The following DOCK3 variants were observed in gnomAD, a reference collection of about 807,000 sequenced individuals.
The protein encoded by DOCK3 is dedicator of cytokinesis 3.
Under a neutral mutation model 265.6 loss-of-function variants are expected in DOCK3, and 60 were observed. The observed-to-expected ratio is 0.23, with a 90% CI of 0.18 to 0.28. The LOEUF is 0.28. DOCK3 is among the 10% of genes least tolerant of loss of function. The pLI, the probability that DOCK3 is intolerant of heterozygous loss-of-function variation, is 1.00. For synonymous variants in DOCK3, 881 were observed against 938.0 expected (o/e 0.94, Z 1.11); for missense variants, 1,981 against 2,594.3 (o/e 0.76, Z 5.14).
At chr3:50,928,878 TG>T (rs1263660149) in intron 4 of DOCK3, among the ~76,000 whole-genome samples, 1 of 152,238 alleles carries the variant, frequency 6.6e-6, no homozygotes, top group Admixed American at 6.5e-5. Flanking sequence ...ATAACCATTG[TG>T]TTTTTTACTG....
chr3:51,192,621 C>A (rs75376073), intron 12 of DOCK3, among the ~76,000 whole-genome samples: 1,815 of 152,132 alleles, frequency 0.012, 29 homozygotes, highest in African/African-American at 0.041. Context: ...GGAGACCTCA[C>A]GGAAGTCTGC....
chr3:50,928,429 T>A (rs930301301), intron 4 of DOCK3, among the ~76,000 whole-genome samples: 10 of 152,204 alleles, frequency 6.6e-5, no homozygotes, highest in African/African-American at 2.4e-4. Context: ...CATATTTCAC[T>A]AGCATAGTGC....
intron 27 of DOCK3, among the ~76,000 whole-genome samples, chr3:51,288,391 CAAAA>C (rs35390396): frequency 1.0e-4 from 9 of 87,218 alleles, no homozygotes; most frequent in Admixed American, 8.3e-4. Flanking sequence ...GACTCCGTCT[CAAAA>C]AAAAAAAAAA....
At chr3:51,082,806 C>T (rs1225607601) in intron 7 of DOCK3, among the ~76,000 whole-genome samples, 1 of 152,146 alleles carries the variant, frequency 6.6e-6, no homozygotes, top group African/African-American at 2.4e-5. Context: ...ACCTGGGGGC[C>T]AGAGGACAGA....
intron 22 of DOCK3, among the ~76,000 whole-genome samples, chr3:51,253,623 T>G (rs1260730857): frequency 6.6e-6 from 1 of 152,206 alleles, no homozygotes; most frequent in Non-Finnish European, 1.5e-5. Context: ...ATTTATCCAT[T>G]TCTTCTAGAT....
chr3:50,913,107 A>G (rs2049944772), intron 4 of DOCK3, among the ~76,000 whole-genome samples: 1 of 152,212 alleles, frequency 6.6e-6, no homozygotes, highest in Non-Finnish European at 1.5e-5. Flanking sequence ...GGCCCTTGAC[A>G]TAGTACCTGG....
chr3:50,698,435 T>C (rs2035780884), intron 1 of DOCK3, among the ~76,000 whole-genome samples: 4 of 151,664 alleles, frequency 2.6e-5, no homozygotes, highest in Admixed American at 2.6e-4. Flanking sequence ...TTGGATTGTT[T>C]CTACTTTTTC....
chr3:50,954,392 A>G (rs1323966561), intron 5 of DOCK3, among the ~76,000 whole-genome samples: 2 of 152,124 alleles, frequency 1.3e-5, no homozygotes, highest in Admixed American at 1.3e-4. Flanking sequence ...GGAGTTAAAT[A>G]TGTATGCTTG....
chr3:51,022,807 T>C (rs771490498), intron 5 of DOCK3, among the ~76,000 whole-genome samples: 8 of 152,190 alleles, frequency 5.3e-5, no homozygotes, highest in South Asian at 2.1e-4. Context: ...GGATATTTAC[T>C]GTTTCACTTC....
chr3:50,881,341 C>G (rs374561074), intron 3 of DOCK3: 1 of 152,144 alleles, frequency 6.6e-6, no homozygotes, highest in Admixed American at 6.5e-5. Flanking sequence ...TCAAATTGTC[C>G]CTGTTTGCAG....
chr3:51,064,671 A>G (rs2081530280), intron 6 of DOCK3, 75 bp downstream of exon 6: 5 of 1,527,856 alleles, frequency 3.3e-6, no homozygotes, highest in Non-Finnish European at 4.4e-6. Context: ...TTGCACCTAT[A>G]CAAAGCTTCT....
At position 51,084,606 on chromosome 3, in the gene DOCK3, G is replaced by C. The variant is rs533548587; in HGVS notation, c.550-4637G>C. Among the ~76,000 whole-genome samples the C allele has an allele frequency of 3.3e-5, 5 of 152,266 alleles. No homozygotes were observed. The South Asian group carries it at 1.0e-3, about 32-fold the overall frequency. ...TACAAGAAATGTTTCAGGGATTTCT[G>C]TATCTGGAAGCGAAAGGACAATGTC... On this transcript the variant is annotated intron_variant, in intron 7 of 52. Transcript: ENST00000266037.
chr3:51,141,370 A>C (rs1037096281), intron 9 of DOCK3, among the ~76,000 whole-genome samples: 1 of 148,834 alleles, frequency 6.7e-6, no homozygotes, highest in Non-Finnish European at 1.5e-5. Flanking sequence ...TTGGCATTTT[A>C]CATACATGTC....
chr3:51,084,222 A>G (rs1173943463), intron 7 of DOCK3, among the ~76,000 whole-genome samples: 1 of 152,162 alleles, frequency 6.6e-6, no homozygotes, highest in Non-Finnish European at 1.5e-5. Context: ...AAAGACATCC[A>G]AATACAGAAA....
intron 5 of DOCK3, among the ~76,000 whole-genome samples, chr3:50,936,316 C>T (rs961754233): frequency 3.3e-5 from 5 of 150,970 alleles, no homozygotes; most frequent in Non-Finnish European, 5.9e-5. Context: ...GGAACAATAA[C>T]GTAAGATGTA....
At position 51,237,591 on chromosome 3, in the gene DOCK3, G is replaced by A; in HGVS notation, c.2102+1G>A. 1 of 1,611,878 alleles carries A rather than the reference G, an allele frequency of 6.2e-7. No homozygotes were observed. Among genetic ancestry groups the A allele is most frequent in the Non-Finnish European group, 8.5e-7 (1 of 1,178,770 alleles). On this transcript the variant is annotated splice_donor_variant, in intron 21 of 52. Transcript: ENST00000266037. LOFTEE classifies it high-confidence loss of function. ...ACTTTGCTGGAGCTCTGGCATACAA[G>A]TAAGTTCCATTTGGTATCATCATTA...
At chr3:50,872,241 G>C (rs769835798) in intron 3 of DOCK3, among the ~76,000 whole-genome samples, 17 of 152,234 alleles carry the variant, frequency 1.1e-4, no homozygotes, top group Non-Finnish European at 2.5e-4. Context: ...AGCTGTGTCT[G>C]CTTTAGGGGG....
chr3:50,930,903 A>G (rs2051029177), intron 4 of DOCK3, among the ~76,000 whole-genome samples: 1 of 152,080 alleles, frequency 6.6e-6, no homozygotes, highest in South Asian at 2.1e-4. Context: ...GCGTGGCCCC[A>G]AGCACTGCCT....
At chr3:51,013,673 G>A (rs1176202255) in intron 5 of DOCK3, among the ~76,000 whole-genome samples, 1 of 152,152 alleles carries the variant, frequency 6.6e-6, no homozygotes, top group Non-Finnish European at 1.5e-5. Flanking sequence ...GAGCTGAAAC[G>A]CCATGCTGGG....
Sources: allele counts gnomAD v4.1 joint callset (sites outside exome capture counted in the v4.1 genomes callset), GRCh38; gene constraint gnomAD v4.1.1; transcripts MANE v1.5; gene names NCBI Gene and HGNC (gene_info 2026-07-23, HGNC 2026-07-21).